The following PHKB variants were observed in gnomAD, a reference collection of about 807,000 sequenced individuals.
The protein encoded by PHKB is phosphorylase b kinase regulatory subunit beta.
Under a neutral mutation model 152.1 loss-of-function variants are expected in PHKB, and 122 were observed. The observed-to-expected ratio is 0.80, with a 90% CI of 0.69 to 0.93. The LOEUF (loss-of-function observed/expected upper bound fraction) is 0.93, where lower values mean the gene tolerates loss of function less well. Ranked by LOEUF, PHKB falls within the 40% of genes least tolerant of loss-of-function variation. PHKB has a pLI of 0.00. For missense variants in PHKB, 1,304 were observed against 1,328.4 expected, an observed-to-expected ratio of 0.98 and a Z score of 0.29; for synonymous variants, 436 against 464.9, an observed-to-expected ratio of 0.94 and a Z score of 0.80.
At chr16:47,618,461 A>G (rs747703861) in intron 14 of PHKB, among the ~76,000 whole-genome samples, 14 of 152,086 alleles carry the variant, frequency 9.2e-5, no homozygotes, top group Non-Finnish European at 1.6e-4. Flanking sequence ...TCTATACTCA[A>G]TGTTTCTTCA....
intron 14 of PHKB, among the ~76,000 whole-genome samples, chr16:47,616,611 A>G (rs1184992670): frequency 6.8e-6 from 1 of 146,210 alleles, no homozygotes; most frequent in East Asian, 1.9e-4. Flanking sequence ...TATTTTACAT[A>G]TAAATATCAT....
chr16:47,573,624 C>A (rs554301269), intron 7 of PHKB, among the ~76,000 whole-genome samples: 2 of 152,292 alleles, frequency 1.3e-5, no homozygotes, highest in East Asian at 3.9e-4. Context: ...GGTTGTAAGT[C>A]CTTCTGCCCA....
intron 7 of PHKB, among the ~76,000 whole-genome samples, chr16:47,571,659 G>T (rs1269609802): frequency 6.6e-6 from 1 of 152,088 alleles, no homozygotes; most frequent in African/African-American, 2.4e-5. Context: ...TCCTCCATAG[G>T]TCTACTCTCA....
chr16:47,530,281 G>A (rs997012784), intron 6 of PHKB, among the ~76,000 whole-genome samples: 4 of 151,972 alleles, frequency 2.6e-5, no homozygotes, highest in South Asian at 2.1e-4. Context: ...GATCACAGGC[G>A]TGTGCCACCA....
intron 4 of PHKB, among the ~76,000 whole-genome samples, chr16:47,509,748 A>G (rs1379142438): frequency 3.9e-5 from 6 of 152,184 alleles, no homozygotes; most frequent in Non-Finnish European, 5.9e-5. Context: ...CTGTTTCTCT[A>G]CTAACAACAC....
At chr16:47,566,259 G>C (rs140297062) in intron 7 of PHKB, 30 of 863,528 alleles carry the variant, frequency 3.5e-5, no homozygotes, top group Non-Finnish European at 5.5e-5. Context: ...ACCTCTTCTA[G>C]GTGAGTAGTC....
chr16:47,656,380 CTTTT>C (rs1279856731), intron 20 of PHKB, among the ~76,000 whole-genome samples: 1 of 152,140 alleles, frequency 6.6e-6, no homozygotes. Flanking sequence ...CTTTTTCCTT[CTTTT>C]ATTTAAATTA....
intron 26 of PHKB, among the ~76,000 whole-genome samples, chr16:47,678,320 T>C (rs1973775641): frequency 6.6e-6 from 1 of 152,336 alleles, no homozygotes; most frequent in East Asian, 1.9e-4. Flanking sequence ...GTATTTCTAG[T>C]TCTAGATCCC....
At chr16:47,528,733 G>C (rs1320450861) in intron 6 of PHKB, among the ~76,000 whole-genome samples, 1 of 133,448 alleles carries the variant, frequency 7.5e-6, no homozygotes, top group Admixed American at 8.7e-5. Context: ...GAGTCTCACT[G>C]TCTCCCAGGC....
At chr16:47,571,299 C>T (rs538692614) in intron 7 of PHKB, among the ~76,000 whole-genome samples, 1 of 152,260 alleles carries the variant, frequency 6.6e-6, no homozygotes, top group South Asian at 2.1e-4. Flanking sequence ...CCAGCTGCAG[C>T]TGAAGCAGGT....
chr16:47,679,461 A>G (rs1320960003), intron 26 of PHKB, among the ~76,000 whole-genome samples: 1 of 152,146 alleles, frequency 6.6e-6, no homozygotes, highest in East Asian at 1.9e-4. Context: ...AGTGGTTTGT[A>G]GTTCTCCTTG....
At chr16:47,697,723 T>C (rs1974173725) in intron 29 of PHKB, among the ~76,000 whole-genome samples, 1 of 152,206 alleles carries the variant, frequency 6.6e-6, no homozygotes, top group Admixed American at 6.5e-5. Context: ...GCCATAAACA[T>C]CATCAGAGAG....
chr16:47,495,035 G>A (rs1050872114), intron 1 of PHKB, among the ~76,000 whole-genome samples: 4 of 152,008 alleles, frequency 2.6e-5, no homozygotes, highest in African/African-American at 9.7e-5. Context: ...CTTATCATGG[G>A]CGTTCTTTGA....
At chr16:47,608,432 A>C (rs1972366927) in intron 13 of PHKB, among the ~76,000 whole-genome samples, 1 of 152,344 alleles carries the variant, frequency 6.6e-6, no homozygotes, top group Non-Finnish European at 1.5e-5. Context: ...CAATAAAAAA[A>C]CTTTTTTTGG....
intron 6 of PHKB, among the ~76,000 whole-genome samples, chr16:47,530,713 A>G (rs973257545): frequency 6.6e-6 from 1 of 152,204 alleles, no homozygotes; most frequent in African/African-American, 2.4e-5. Context: ...AAATTGGTCT[A>G]ATGTAAAGTA....
intron 7 of PHKB, among the ~76,000 whole-genome samples, chr16:47,558,545 C>G (rs1971421533): frequency 6.6e-6 from 1 of 151,956 alleles, no homozygotes; most frequent in African/African-American, 2.4e-5. Flanking sequence ...TTGTTTCTGT[C>G]TTTTGTTTGT....
chr16:47,617,211 A>C (rs1480986506), intron 14 of PHKB, among the ~76,000 whole-genome samples: 5 of 148,024 alleles, frequency 3.4e-5, no homozygotes, highest in Non-Finnish European at 6.0e-5. Context: ...AGTAATATAA[A>C]TATATTTATA....
intron 14 of PHKB, among the ~76,000 whole-genome samples, chr16:47,611,429 T>G (rs763778268): frequency 3.3e-5 from 5 of 152,134 alleles, no homozygotes; most frequent in Admixed American, 6.5e-5. Flanking sequence ...ATCAGCAAGA[T>G]TGATACTGAC....
At chr16:47,503,111 C>T (rs767562750) in intron 4 of PHKB, 21 bp downstream of exon 4, 50 of 1,362,926 alleles carry the variant, frequency 3.7e-5, no homozygotes, top group Middle Eastern at 1.8e-4. Context: ...GTGGTGTGGA[C>T]GGGAATTCTC....
Sources: allele counts gnomAD v4.1 joint callset (sites outside exome capture counted in the v4.1 genomes callset), GRCh38; gene constraint gnomAD v4.1.1; transcripts MANE v1.5; gene names NCBI Gene and HGNC (gene_info 2026-07-23, HGNC 2026-07-21).